LRRC20: variants seen among roughly 807,000 people sequenced by gnomAD.
LRRC20 encodes leucine-rich repeat-containing protein 20.
Under a neutral mutation model 14.4 loss-of-function variants are expected in LRRC20, and 11 were observed. The ratio of observed to expected loss-of-function variants is 0.77; its 90% CI spans 0.48 to 1.27. LRRC20 has a LOEUF of 1.27. LRRC20 is among the 50% of genes most tolerant of loss of function. The pLI, the probability that LRRC20 is intolerant of heterozygous loss-of-function variation, is 0.00. For synonymous variants in LRRC20, 121 were observed against 107.3 expected (o/e 1.13, Z -0.79); for missense variants, 219 against 251.2 (o/e 0.87, Z 0.87).
intron 2 of LRRC20, among the ~76,000 whole-genome samples, chr10:70,365,357 G>A (rs1843943632): frequency 6.6e-6 from 1 of 152,074 alleles, no homozygotes; most frequent in South Asian, 2.1e-4. Context: ...CGCGCCCGGC[G>A]AGATTCAACT....
intron 2 of LRRC20, among the ~76,000 whole-genome samples, chr10:70,342,874 C>A (rs1157080293): frequency 1.3e-5 from 2 of 152,136 alleles, no homozygotes; most frequent in Admixed American, 6.6e-5. Flanking sequence ...ACAGCACCAC[C>A]CCATTTATCT....
chr10:70,378,851 C>A (rs1242818637), intron 1 of LRRC20, among the ~76,000 whole-genome samples: 1 of 151,302 alleles, frequency 6.6e-6, no homozygotes, highest in African/African-American at 2.4e-5. Context: ...GAGGCTGAGG[C>A]AGGAGAATCG....
intron 2 of LRRC20, among the ~76,000 whole-genome samples, chr10:70,359,903 C>T (rs1843658533): frequency 6.6e-6 from 1 of 151,046 alleles, no homozygotes; most frequent in African/African-American, 2.5e-5. Context: ...TGTTCCACTG[C>T]ATTTTTTTTC....
intron 4 of LRRC20, among the ~76,000 whole-genome samples, chr10:70,306,104 C>CTG (rs147230974): frequency 1.9e-5 from 1 of 51,532 alleles, no homozygotes; most frequent in Non-Finnish European, 4.1e-5. Flanking sequence ...CATTTTCTGT[C>CTG]TCTCTCTCTC....
Position 70,300,211 on chromosome 10 carries a change from C to T in LRRC20, c.*1143G>A, listed in dbSNP as rs1006691723. 4.6e-5 allele frequency: 12 copies of T among 261,998 alleles called. No individual in the cohort carries two copies. The highest frequency in any genetic ancestry group is 3.9e-4 in the Admixed American group (6 of 15,422). The allele number at this position is 261,998 out of a possible 1,614,324, so 16.2% of individuals were successfully genotyped here. On this transcript the variant is annotated 3_prime_UTR_variant, in exon 5 of 5. Transcript: ENST00000446961. Reference sequence around the variant, plus strand: ...CAGTCAAGGTTCTTCAAGCCACAGGCGTTCTCGGGAAGCAAGAGCCCCAGG... The same window carrying T: ...CAGTCAAGGTTCTTCAAGCCACAGGTGTTCTCGGGAAGCAAGAGCCCCAGG...
intron 1 of LRRC20, among the ~76,000 whole-genome samples, chr10:70,378,203 C>T (rs947758862): frequency 2.0e-5 from 3 of 152,206 alleles, no homozygotes; most frequent in African/African-American, 7.2e-5. Flanking sequence ...ACTGAGGGAA[C>T]TCATCTTTGA....
In LRRC20 at chr10:70,340,473, G is replaced by A. The variant is rs1418262800; in HGVS notation, c.232+80C>T. 1.9e-6 allele frequency: 3 copies of A among 1,548,968 alleles called. No homozygotes were observed. The East Asian group carries it at 6.8e-5, about 35-fold the overall frequency. On this transcript the variant is annotated intron_variant, in intron 3 of 4. Coordinates refer to ENST00000446961, the MANE Select transcript of LRRC20 (RefSeq NM_001278212.2). ...TGTCGCTGACCAGGGACCAGCTCTGGTGGCACTCCCCAGACAGGGTCAGAG... is the reference window on the plus strand; with the variant it reads ...TGTCGCTGACCAGGGACCAGCTCTGATGGCACTCCCCAGACAGGGTCAGAG...
At chr10:70,361,048 T>TAAA (rs71472958) in intron 2 of LRRC20, among the ~76,000 whole-genome samples, 5 of 122,840 alleles carry the variant, frequency 4.1e-5, no homozygotes, top group South Asian at 2.6e-4. Flanking sequence ...ACCCCATCTC[T>TAAA]AAAAAAAAAA....
In LRRC20 at chr10:70,367,279, A is replaced by G. The variant is rs139531956; in HGVS notation, c.82+9173T>C. Among the ~76,000 whole-genome samples, 938 of 144,594 alleles carry G rather than the reference A, an allele frequency of 6.5e-3. 6 individuals carry two copies. The highest frequency in any genetic ancestry group is 0.034 in the Middle Eastern group (9 of 264). 94.9% of individuals were successfully genotyped at this position (144,594 alleles called of 152,430 possible). A position where few individuals can be genotyped will look rare whatever the true frequency, so the allele number is the denominator to read the frequency against. On this transcript the variant is annotated intron_variant, in intron 2 of 4. Coordinates refer to ENST00000446961, the MANE Select transcript of LRRC20 (RefSeq NM_001278212.2). The stretch of plus-strand genomic sequence containing the variant: ...GCGGAGGCTGCAGTGAGCCAAGATC[A>G]TACCACTGCACTGCACTCTAGCCTG...
At chr10:70,336,356 C>G (rs1842725977) in intron 3 of LRRC20, among the ~76,000 whole-genome samples, 1 of 152,206 alleles carries the variant, frequency 6.6e-6, no homozygotes. Flanking sequence ...GCAGCCTGCC[C>G]AGGAAACCAA....
intron 4 of LRRC20, among the ~76,000 whole-genome samples, chr10:70,315,116 G>A (rs1404207031): frequency 1.3e-5 from 2 of 152,178 alleles, no homozygotes; most frequent in African/African-American, 4.8e-5. Flanking sequence ...TTGTCATGAG[G>A]ATTAAACAAG....
intron 4 of LRRC20, among the ~76,000 whole-genome samples, chr10:70,312,107 G>GGT (rs1330610475): frequency 1.3e-5 from 2 of 152,178 alleles, no homozygotes; most frequent in Non-Finnish European, 2.9e-5. Flanking sequence ...TGTCAAGGGA[G>GGT]GTGAGCACCT....
intron 2 of LRRC20, among the ~76,000 whole-genome samples, chr10:70,345,606 A>G (rs1008213908): frequency 3.9e-5 from 6 of 152,228 alleles, no homozygotes; most frequent in African/African-American, 1.4e-4. Flanking sequence ...AATTAAGACC[A>G]CCTGAGAAGG....
chr10:70,325,213 C>T (rs10999269), intron 3 of LRRC20, among the ~76,000 whole-genome samples: 5,727 of 152,236 alleles, frequency 0.038, 164 homozygotes, highest in East Asian at 0.097. Context: ...AGAAGGGCCC[C>T]GCACTTGGGG....
intron 2 of LRRC20, among the ~76,000 whole-genome samples, chr10:70,356,088 ATCT>A (rs1843506982): frequency 6.6e-6 from 1 of 152,234 alleles, no homozygotes; most frequent in Non-Finnish European, 1.5e-5. Context: ...AGAAAGCAAT[ATCT>A]TCTTCTCAGA....
chr10:70,321,120 C>T (rs1266141816), intron 4 of LRRC20, among the ~76,000 whole-genome samples: 1 of 152,136 alleles, frequency 6.6e-6, no homozygotes, highest in Non-Finnish European at 1.5e-5. Context: ...ACTCATGCAT[C>T]TCAAATTTAT....
intron 4 of LRRC20, among the ~76,000 whole-genome samples, chr10:70,319,966 G>T (rs369188559): frequency 9.5e-4 from 144 of 152,328 alleles, no homozygotes; most frequent in African/African-American, 3.3e-3. Context: ...AGCTGGGAAA[G>T]GGAGAAGCCC....
intron 4 of LRRC20, among the ~76,000 whole-genome samples, chr10:70,305,148 C>A (rs1841371789): frequency 6.6e-6 from 1 of 152,208 alleles, no homozygotes; most frequent in Non-Finnish European, 1.5e-5. Flanking sequence ...CACACCACTG[C>A]ACTCCAGCCT....
intron 1 of LRRC20, chr10:70,381,365 G>A (rs1307633317): frequency 6.6e-6 from 1 of 152,212 alleles, no homozygotes. Context: ...TCCTGCTTTG[G>A]GGGAGCTGGC....
Sources: gnomAD v4.1 joint callset for allele counts (sites outside exome capture counted in the v4.1 genomes callset) on GRCh38, gnomAD v4.1.1 for gene constraint, MANE v1.5 for transcripts, NCBI Gene and HGNC (gene_info 2026-07-23, HGNC 2026-07-21) for gene names.